The following LMNTD2 variants were observed in gnomAD, a reference collection of about 807,000 sequenced individuals.
LMNTD2 encodes the protein lamin tail domain containing 2.
Under a neutral mutation model 70.1 loss-of-function variants are expected in LMNTD2, and 83 were observed. That is an observed-to-expected ratio of 1.18 (90% CI 0.99 to 1.42). The LOEUF is 1.42. LMNTD2 is among the 40% of genes most tolerant of loss of function. The pLI is 0.00. For synonymous variants in LMNTD2, 534 were observed against 406.1 expected (o/e 1.31, Z -3.79); for missense variants, 1,153 against 905.9 (o/e 1.27, Z -3.50).
chr11:559,440 C>T (rs576842516), intron 1 of LMNTD2: 17 of 1,305,316 alleles, frequency 1.3e-5, no homozygotes, highest in African/African-American at 6.1e-5. Context: ...TGTTTGTTAC[C>T]AGGAGCCTCC....
chr11:558,017 C>G lies in LMNTD2; in HGVS notation c.422G>C (p.Arg141Pro). 1.9e-6 allele frequency: 3 copies of G among 1,580,906 alleles called. No homozygotes were observed. In the African/African-American group the frequency reaches 4.0e-5, roughly 21 times the overall value. Reference protein sequence around the residue: ...AQWEKEHLEERLLQTTRTLQE... With the variant: ...AQWEKEHLEEPLLQTTRTLQE... ...GAGCGTGCGGGTGGTCTGCAGCAGC[C>G]GCTCCTCCAGGTGCTCCTTCTCCTG... Residue 141 changes from arginine (R) to proline (P), a missense_variant, in exon 5 of 14, where the codon CGG becomes CCG. Arg to Pro is a moderately radical substitution (Grantham distance 103). Coordinates refer to ENST00000329451, the MANE Select transcript of LMNTD2 (RefSeq NM_173573.3).
At position 558,678 on chromosome 11, in the gene LMNTD2, G is replaced by C. The variant is rs755284370; in HGVS notation, c.247C>G (p.Gln83Glu). 1.2e-6 allele frequency: 2 copies of C among 1,605,574 alleles called. No homozygotes were observed. The highest frequency in any genetic ancestry group is 2.2e-5 in the South Asian group (2 of 89,790). Residue 83 changes from glutamine (Q) to glutamate (E), a missense_variant, in exon 3 of 14, where the codon CAG becomes GAG. Gln to Glu is a conservative substitution (Grantham distance 29, BLOSUM62 2). Coordinates refer to ENST00000329451, the MANE Select transcript of LMNTD2 (RefSeq NM_173573.3). ...CAGAGCCGGGCGTCCTCGCCATTCT[G>C]GATGGCCCACCGCAAGGCCTGGATC... ...LEIQALRWAI[Q>E]NGEDARLCHI...
Position 558,069 on chromosome 11 carries a change from G to A in LMNTD2, c.400-30C>T, listed in dbSNP as rs775611398. ...TCCGAGAGGGCCTGTGGTTGGTGGT[G>A]GGGGGGTGTCTTCTGCAGAAGGCCC... On this transcript the variant is annotated intron_variant, in intron 4 of 13. Coordinates refer to ENST00000329451, the MANE Select transcript of LMNTD2 (RefSeq NM_173573.3). 3.8e-6 allele frequency: 6 copies of A among 1,584,054 alleles called. No homozygotes were observed. The East Asian group carries it at 9.0e-5, about 24-fold the overall frequency.
At chr11:555,674 G>A (rs1852806232) in intron 12 of LMNTD2, 60 bp downstream of exon 12, 2 of 1,348,870 alleles carry the variant, frequency 1.5e-6, no homozygotes, top group Non-Finnish European at 1.9e-6. Context: ...ACGAGGGACC[G>A]TTTCTGCTGG....
At position 559,302 on chromosome 11, in the gene LMNTD2, C is replaced by T. The variant is rs980121610; in HGVS notation, c.35-323G>A. The T allele has an allele frequency of 7.7e-6, 11 of 1,429,658 alleles. No homozygotes were observed. In the Admixed American group the frequency reaches 1.5e-4, roughly 19 times the overall value. The allele number at this position is 1,429,658 out of a possible 1,614,324, so 88.6% of individuals were successfully genotyped here. ...TGCCTGTGATGTGGTGTCCCTCTTT[C>T]TCTCTCTTGTCCCCCCAGCTCAGGG... On this transcript the variant is annotated intron_variant, in intron 1 of 13. Coordinates refer to ENST00000329451, the MANE Select transcript of LMNTD2 (RefSeq NM_173573.3).
At chr11:556,147 G>C in intron 10 of LMNTD2, 32 bp from the exon 11 acceptor site, 1 of 1,310,962 alleles carries the variant, frequency 7.6e-7, no homozygotes, top group Non-Finnish European at 9.6e-7. Context: ...GGTGAGGGGC[G>C]GCCGGGCCGG....
At chr11:559,004 C>T (rs1281799306) in intron 1 of LMNTD2, 25 bp from the exon 2 acceptor site, 5 of 1,594,662 alleles carry the variant, frequency 3.1e-6, no homozygotes, top group South Asian at 1.1e-5. Flanking sequence ...AGAGCCTCTT[C>T]CTCGGTTTCT....
In LMNTD2 at chr11:557,443, C is replaced by T; in HGVS notation, c.669G>A (p.Arg223=). The change falls in exon 7 of 14, where the codon CGG becomes CGA. Residue 223 remains arginine (R), a synonymous_variant. Transcript: ENST00000329451. ...CCATGTTGGTGAAGAGGTTGGGATA[C>T]CGGCGGGCAACGCTGTTCCAATCCA... ...EDVDWNSVAR[R]YPNLFTNMEP... 1.2e-6 allele frequency: 2 copies of T among 1,609,146 alleles called. No individual in the cohort carries two copies. Among genetic ancestry groups the T allele is most frequent in the South Asian group, 2.2e-5 (2 of 90,416 alleles).
rs758486214 is a variant in LMNTD2, at chr11:556,086, C to T, written c.1287G>A (p.Lys429=). ...GGCTCGAGGACGCGCGCAGCGGCTT[C>T]TTGGCGCTGCGGGTCGCCTCGCCCC... ...TVWGEATRSA[K]KPLRASSSRE... The change falls in exon 11 of 14, where the codon AAG becomes AAA. Residue 429 remains lysine, a synonymous_variant. Transcript: ENST00000329451. The T allele has an allele frequency of 5.2e-6, 8 of 1,534,912 alleles. No homozygotes were observed. Among genetic ancestry groups the T allele is most frequent in the Non-Finnish European group, 6.9e-6 (8 of 1,151,866 alleles).
In LMNTD2 at chr11:557,580, TG is replaced by T. The variant is rs772086986; in HGVS notation, c.615del (p.Thr206ProfsTer68). 1 of 1,613,312 alleles carries T rather than the reference TG, an allele frequency of 6.2e-7. No individual in the cohort carries two copies. Among genetic ancestry groups the T allele is most frequent in the East Asian group, 2.2e-5 (1 of 44,868 alleles). Reference sequence around the variant, plus strand: ...TGGGAGGCCTAGCTCACCTCCCCGGTGGGGGCCTGAATGTTTTCAGAGAGGT... The same window carrying T: ...TGGGAGGCCTAGCTCACCTCCCCGGTGGGGCCTGAATGTTTTCAGAGAGGT... ...PSDLSENIQA[P>X]TGEGFRLEDV... is the part of the protein sequence containing the mutation. On this transcript the variant is annotated frameshift_variant, in exon 6 of 14. Coordinates refer to ENST00000329451, the MANE Select transcript of LMNTD2 (RefSeq NM_173573.3). LOFTEE classifies it high-confidence loss of function.
intron 13 of LMNTD2, 43 bp downstream of exon 13, chr11:555,253 GGAGGAGAAC>G: frequency 1.5e-6 from 2 of 1,292,656 alleles, no homozygotes; most frequent in South Asian, 1.9e-5. Context: ...GGAGAGGAGA[GGAGGAGAAC>G]GAGGAGGGAG....
At chr11:555,153 G>C in intron 13 of LMNTD2, 42 bp from the exon 14 acceptor site, 2 of 783,796 alleles carry the variant, frequency 2.6e-6, no homozygotes, top group Non-Finnish European at 3.6e-6. Context: ...GGCGGGGCGG[G>C]GACGGGAGGG....
intron 1 of LMNTD2, chr11:559,787 T>G (rs1230823442): frequency 4.8e-6 from 5 of 1,041,610 alleles, no homozygotes; most frequent in Non-Finnish European, 5.8e-6. Context: ...AGAGACAGGG[T>G]CTTGCTCCGC....
In LMNTD2 at chr11:557,932, G is replaced by C. The variant is rs766404488; in HGVS notation, c.507C>G (p.Arg169=). Reference sequence around the variant, plus strand: ...GTAGCATGCGGCCCACCCACGAGGAGCGGGCCAGCTGCAGGAGGCAGGACT... The same window carrying C: ...GTAGCATGCGGCCCACCCACGAGGACCGGGCCAGCTGCAGGAGGCAGGACT... ...LQKSCLLQLA[R]SSWVGRMLRS... The change falls in exon 5 of 14, where the codon CGC becomes CGG. Residue 169 remains arginine (R), a synonymous_variant. Transcript: ENST00000329451. The C allele has an allele frequency of 6.3e-7, 1 of 1,593,956 alleles. No individual in the cohort carries two copies. The highest frequency in any genetic ancestry group is 2.2e-5 in the East Asian group (1 of 44,568).
intron 1 of LMNTD2, 77 bp downstream of exon 1, chr11:560,606 G>T: frequency 7.6e-7 from 1 of 1,313,378 alleles, no homozygotes; most frequent in South Asian, 2.0e-5. Flanking sequence ...TCAAGCCAGA[G>T]ACCCTTCCTG....
chr11:556,002 C>A lies in LMNTD2; in HGVS notation c.1371G>T (p.Lys457Asn). The A allele has an allele frequency of 6.4e-7, 1 of 1,559,340 alleles. No individual in the cohort carries two copies. Among genetic ancestry groups the A allele is most frequent in the East Asian group, 2.5e-5 (1 of 39,310 alleles). The stretch of plus-strand genomic sequence containing the variant: ...ACCGGGGACCCGCACCGACCTCGCC[C>A]TTGGGGCTCAGGAGCAGCGTCGCGC... Reference protein sequence around the residue: ...RGCATLLLSPKGEVLSEHRIP... With the variant: ...RGCATLLLSPNGEVLSEHRIP... The change falls in exon 11 of 14, where the codon AAG (lysine) becomes AAT (asparagine). Residue 457 changes from lysine to asparagine, a missense_variant. By Grantham distance (94) the Lys-to-Asn change is moderately conservative. Transcript: ENST00000329451.
At chr11:559,336 C>A (rs1159664162) in intron 1 of LMNTD2, 14 of 1,363,362 alleles carry the variant, frequency 1.0e-5, no homozygotes, top group Non-Finnish European at 9.7e-7. Context: ...GGCCCTACCC[C>A]CAGCACTCAC....
rs1314302769 is a variant in LMNTD2, at chr11:557,083, C to T, written c.728G>A (p.Trp243Ter). The change falls in exon 8 of 14, where the codon TGG becomes TAG. Residue 243 changes from tryptophan (W) to a stop codon, truncating the protein, a stop_gained. Transcript: ENST00000329451. LOFTEE classifies it high-confidence loss of function. The stretch of plus-strand genomic sequence containing the variant: ...TGGGCTCCCTGTGTCCAGCTGTGGC[C>T]AGGGCCGGGGCTGCCTGTGGACCAC... Reference protein sequence around the residue: ...PSSKQKQPRPWPQLDTGSPES... With the variant: ...PSSKQKQPRP The T allele has an allele frequency of 1.9e-6, 3 of 1,599,810 alleles. No homozygotes were observed. Among genetic ancestry groups the T allele is most frequent in the Admixed American group, 3.4e-5 (2 of 59,168 alleles).
At chr11:557,140 C>T in intron 7 of LMNTD2, 43 bp from the exon 8 acceptor site, 2 of 1,528,098 alleles carry the variant, frequency 1.3e-6, no homozygotes. Context: ...AGCTCCAGAC[C>T]CCAGCCCTGC....
Sources: gnomAD v4.1 joint callset for allele counts on GRCh38, gnomAD v4.1.1 for gene constraint, MANE v1.5 for transcripts, NCBI Gene and HGNC (gene_info 2026-07-23, HGNC 2026-07-21) for gene names.